The following SYNE1 variants were observed in gnomAD, a reference collection of about 807,000 sequenced individuals.
The protein encoded by SYNE1 is spectrin repeat containing nuclear envelope protein 1.
SYNE1 carries 616 observed loss-of-function variants against 1,111.0 expected under a neutral mutation model. The ratio of observed to expected loss-of-function variants is 0.55; its 90% CI spans 0.52 to 0.59. The LOEUF (loss-of-function observed/expected upper bound fraction) is 0.59, where lower values mean the gene tolerates loss of function less well. Among genes scored for constraint, SYNE1 ranks in the 20% least tolerant of loss-of-function variants. The probability of loss-of-function intolerance (pLI) is 0.00; values close to 1 mark genes in which losing one functional copy is unlikely to be tolerated. For synonymous variants in SYNE1, 3,855 were observed against 3,825.8 expected, an observed-to-expected ratio of 1.01 and a Z score of -0.28; for missense variants, 10,006 against 10,417.0, an observed-to-expected ratio of 0.96 and a Z score of 1.72.
intron 91 of SYNE1, among the ~76,000 whole-genome samples, chr6:152,302,954 G>A (rs900363147): frequency 1.2e-4 from 18 of 151,962 alleles, no homozygotes; most frequent in African/African-American, 4.3e-4. Context: ...CATTTTAGGA[G>A]TATGGTAATT....
chr6:152,632,774 T>C (rs996381133), intron 2 of SYNE1, among the ~76,000 whole-genome samples: 1 of 152,244 alleles, frequency 6.6e-6, no homozygotes, highest in African/African-American at 2.4e-5. Context: ...TTTAATTTTA[T>C]CCTGCTTAAA....
intron 108 of SYNE1, among the ~76,000 whole-genome samples, chr6:152,238,935 G>A (rs561524257): frequency 6.8e-5 from 10 of 147,306 alleles, no homozygotes; most frequent in Middle Eastern, 3.5e-3. Context: ...TTTTACTCCC[G>A]TTGCCCAGGC....
At chr6:152,186,555 T>TGAAA (rs2070032481) in intron 128 of SYNE1, among the ~76,000 whole-genome samples, 1 of 43,324 alleles carries the variant, frequency 2.3e-5, no homozygotes. Context: ...CAGCTCTGTG[T>TGAAA]CAAAAAAAAA....
chr6:152,154,420 T>C (rs1040635), intron 133 of SYNE1, among the ~76,000 whole-genome samples: 46,172 of 150,334 alleles, frequency 0.31, 7,261 homozygotes, highest in Admixed American at 0.42. Context: ...TTTTATTCCA[T>C]TCTAGAGTCA....
At chr6:152,193,785 G>A (rs1299268750) in intron 127 of SYNE1, among the ~76,000 whole-genome samples, 1 of 152,010 alleles carries the variant, frequency 6.6e-6, no homozygotes, top group Non-Finnish European at 1.5e-5. Flanking sequence ...GCCAAGGTGG[G>A]CAGATCATGA....
chr6:152,133,232 C>A (rs753328975), intron 143 of SYNE1, 44 bp downstream of exon 143: 2 of 1,564,252 alleles, frequency 1.3e-6, no homozygotes, highest in Non-Finnish European at 1.8e-6. Context: ...CTTCTTTGGT[C>A]TCCAGTAAGA....
chr6:152,164,107 G>T (rs1234379849), intron 131 of SYNE1, 56 bp downstream of exon 131: 1 of 1,607,320 alleles, frequency 6.2e-7, no homozygotes. Flanking sequence ...CATCATCCTG[G>T]CCAGGAGGAC....
chr6:152,497,799 T>C (rs1252676481), intron 11 of SYNE1, among the ~76,000 whole-genome samples: 2 of 152,226 alleles, frequency 1.3e-5, no homozygotes, highest in Admixed American at 6.5e-5. Context: ...TATAGCCCAT[T>C]AGTCTAGGGC....
intron 75 of SYNE1, 45 bp from the exon 76 acceptor site, chr6:152,337,062 C>T (rs1335974166): frequency 1.3e-6 from 2 of 1,582,556 alleles, no homozygotes; most frequent in East Asian, 2.3e-5. Flanking sequence ...TACATGGAAA[C>T]ATTTATGGTT....
Position 152,136,676 on chromosome 6 carries a change from ACT to A in SYNE1, c.25599_25600del (p.Cys8535LeufsTer22). The A allele has an allele frequency of 6.2e-7, 1 of 1,614,076 alleles. No homozygotes were observed. Among genetic ancestry groups the A allele is most frequent in the African/African-American group, 1.3e-5 (1 of 75,010 alleles). ...CCGCCACTCCTCCAGCAGAGAGCAC[ACT>A]CGGTCCCAGCGCCCATTCATCTGCG... On this transcript the variant is annotated frameshift_variant, in exon 141 of 146. Coordinates refer to ENST00000367255, the MANE Select transcript of SYNE1 (RefSeq NM_182961.4). LOFTEE classifies it high-confidence loss of function.
intron 3 of SYNE1, among the ~76,000 whole-genome samples, chr6:152,618,715 A>G (rs2099667854): frequency 6.6e-6 from 1 of 152,212 alleles, no homozygotes; most frequent in African/African-American, 2.4e-5. Flanking sequence ...TTTGTTGAAT[A>G]CTTAACAAAT....
intron 123 of SYNE1, among the ~76,000 whole-genome samples, chr6:152,211,975 A>T (rs2153426202): frequency 6.6e-6 from 1 of 152,242 alleles, no homozygotes; most frequent in Non-Finnish European, 1.5e-5. Context: ...GAAAAAAAAT[A>T]GCCTAGTCTT....
intron 64 of SYNE1, 123 bp downstream of exon 64, chr6:152,362,047 A>G (rs1418856455): frequency 5.2e-6 from 7 of 1,337,354 alleles, no homozygotes; most frequent in African/African-American, 1.5e-5. Flanking sequence ...TTATACTAAA[A>G]GCCCCAAACG....
chr6:152,262,712 G>C (rs1049026501), intron 100 of SYNE1, among the ~76,000 whole-genome samples: 9 of 152,100 alleles, frequency 5.9e-5, no homozygotes, highest in Non-Finnish European at 1.3e-4. Context: ...CAGGACCTGG[G>C]AAGGTAGTAC....
At chr6:152,420,080 G>A (rs1367069242) in intron 39 of SYNE1, among the ~76,000 whole-genome samples, 4 of 152,084 alleles carry the variant, frequency 2.6e-5, no homozygotes, top group African/African-American at 9.7e-5. Flanking sequence ...TTATCATTAT[G>A]TTCAATTGTT....
At chr6:152,359,629 GGTGTGT>G (rs57095244) in intron 64 of SYNE1, among the ~76,000 whole-genome samples, 171 bp from the exon 65 acceptor site, 23 of 148,594 alleles carry the variant, frequency 1.5e-4, no homozygotes, top group South Asian at 4.3e-4. Flanking sequence ...TGAATGCATG[GGTGTGT>G]GTGTGTGTGT....
intron 5 of SYNE1, among the ~76,000 whole-genome samples, chr6:152,521,294 A>G (rs536351538): frequency 6.6e-6 from 1 of 152,148 alleles, no homozygotes; most frequent in East Asian, 1.9e-4. Flanking sequence ...CAGGTTATTG[A>G]TATTTTGATA....
intron 93 of SYNE1, among the ~76,000 whole-genome samples, chr6:152,298,287 T>C (rs1470344412): frequency 6.6e-6 from 1 of 152,206 alleles, no homozygotes; most frequent in Non-Finnish European, 1.5e-5. Flanking sequence ...GCTTTTAACT[T>C]GAAGGCCAAT....
intron 3 of SYNE1, among the ~76,000 whole-genome samples, chr6:152,613,296 A>G (rs1259310885): frequency 6.6e-6 from 1 of 152,118 alleles, no homozygotes; most frequent in Non-Finnish European, 1.5e-5. Flanking sequence ...CAACTTCAGC[A>G]GAGTCTCAGG....
Sources: gnomAD v4.1 joint callset for allele counts (sites outside exome capture counted in the v4.1 genomes callset) on GRCh38, gnomAD v4.1.1 for gene constraint, MANE v1.5 for transcripts, NCBI Gene and HGNC (gene_info 2026-07-23, HGNC 2026-07-21) for gene names.